The following ZDHHC11 variants were observed in gnomAD, a reference collection of about 807,000 sequenced individuals.
The protein encoded by ZDHHC11 is palmitoyltransferase ZDHHC11.
Under a neutral mutation model 51.3 loss-of-function variants are expected in ZDHHC11, and 44 were observed. The observed-to-expected ratio is 0.86, with a 90% confidence interval of 0.67 to 1.10. The LOEUF is 1.10. Ranked by LOEUF, ZDHHC11 falls within the 50% of genes least tolerant of loss-of-function variation. ZDHHC11 has a pLI of 0.00. For missense variants in ZDHHC11, 400 were observed against 537.7 expected (o/e 0.74, Z 2.53); for synonymous variants, 163 against 222.0 (o/e 0.73, Z 2.36).
rs371375868 is a variant in ZDHHC11 at position 808,944 on chromosome 5, G to A, written c.1181+5817C>T. ...TGATCTCCTGTCCTCTTTATCTGCT[G>A]TCTCGGCCTCCCCACATGCTCCATC... On this transcript the variant is annotated intron_variant, in intron 11 of 12. Transcript: ENST00000283441. Among the ~76,000 whole-genome samples the A allele has an allele frequency of 4.0e-5, 6 of 149,470 alleles. No individual in the cohort carries two copies. In the East Asian group the frequency reaches 9.8e-4, roughly 24 times the overall value.
chr5:815,045 T>C (rs1740596284), intron 10 of ZDHHC11, among the ~76,000 whole-genome samples: 2 of 151,428 alleles, frequency 1.3e-5, no homozygotes, highest in South Asian at 2.1e-4. Context: ...AGAATGTGAC[T>C]ATATGTGGAG....
chr5:821,559 C>T (rs1333948138), intron 9 of ZDHHC11, among the ~76,000 whole-genome samples: 1 of 151,282 alleles, frequency 6.6e-6, no homozygotes, highest in East Asian at 1.9e-4. Flanking sequence ...TGATGTGCAG[C>T]TCCCACCAGG....
intron 7 of ZDHHC11, among the ~76,000 whole-genome samples, chr5:833,261 C>T (rs1378697413): frequency 6.6e-6 from 1 of 152,212 alleles, no homozygotes; most frequent in African/African-American, 2.4e-5. Context: ...ACGAACCGCA[C>T]TGCACAGCAC....
upstream of ZDHHC11, among the ~76,000 whole-genome samples, chr5:855,090 G>A (rs1243452010): frequency 2.0e-5 from 3 of 149,946 alleles, no homozygotes; most frequent in South Asian, 4.2e-4. Context: ...GCGAGCCGCG[G>A]GGACAGACCC....
At chr5:860,133 G>A (rs74467616), upstream of ZDHHC11, among the ~76,000 whole-genome samples, 1,056 of 152,300 alleles carry the variant, frequency 6.9e-3, 17 homozygotes, top group African/African-American at 0.024. The surrounding 1 kb of genome is among the most constrained non-coding windows in gnomAD (Gnocchi z 4.2). Flanking sequence ...ACAAGTAAGA[G>A]GAACAGCTGG....
intron 7 of ZDHHC11, among the ~76,000 whole-genome samples, chr5:828,370 C>T (rs1742602336): frequency 6.7e-6 from 1 of 148,960 alleles, no homozygotes; most frequent in Admixed American, 6.7e-5. Flanking sequence ...GGAGGTGCCC[C>T]CCACCTCCCT....
In ZDHHC11 at chr5:795,976, C is replaced by CTG. The variant is rs1398189493; in HGVS notation, c.*610_*611dup. The CTG allele has an allele frequency of 6.5e-6, 1 of 154,106 alleles. No individual in the cohort carries two copies. The highest frequency in any genetic ancestry group is 1.5e-5 in the Non-Finnish European group (1 of 68,190). 9.5% of individuals were successfully genotyped at this position (154,106 alleles called of 1,614,324 possible). On this transcript the variant is annotated 3_prime_UTR_variant, in exon 13 of 13. Coordinates refer to ENST00000283441, the MANE Select transcript of ZDHHC11 (RefSeq NM_024786.3). ...AGTACTGTATGCCCATTTCCCAGTA[C>CTG]TGTGCTCCCATTTCTCAGTAGTGTA...
intron 11 of ZDHHC11, among the ~76,000 whole-genome samples, chr5:804,804 A>T (rs1489423514): frequency 6.6e-6 from 1 of 151,254 alleles, no homozygotes; most frequent in African/African-American, 2.4e-5. Context: ...TCTCACATAG[A>T]CAAAAATTGA....
intron 7 of ZDHHC11, among the ~76,000 whole-genome samples, chr5:829,758 G>A (rs1319365054): frequency 3.3e-5 from 5 of 151,380 alleles, no homozygotes; most frequent in African/African-American, 9.8e-5. Flanking sequence ...CTAGCGAACC[G>A]AATCAAACAG....
intron 12 of ZDHHC11, among the ~76,000 whole-genome samples, chr5:797,898 T>C (rs1202292560): frequency 9.3e-5 from 14 of 150,754 alleles, no homozygotes; most frequent in African/African-American, 3.2e-4. Context: ...GAAGGAATTA[T>C]GCTTGGCTCC....
rs183319281 is a variant in ZDHHC11 at position 802,936 on chromosome 5, G to T, written c.1182-1772C>A. On this transcript the variant is annotated intron_variant, in intron 11 of 12. Transcript: ENST00000283441. ...CTTGGGAGGCTGAGGCAGGAGAATGGTGTGAACCTGGGAGGTGGAGCTTGC... is the reference window on the plus strand; with the variant it reads ...CTTGGGAGGCTGAGGCAGGAGAATGTTGTGAACCTGGGAGGTGGAGCTTGC... 9.4e-3 allele frequency among the ~76,000 whole-genome samples: 1,340 copies of T among 142,998 alleles called. 48 individuals carry two copies. Among genetic ancestry groups the T allele is most frequent in the African/African-American group, 0.032 (1,247 of 39,398 alleles). The allele number at this position is 142,998 out of a possible 152,430, so 93.8% of individuals were successfully genotyped here.
Position 821,631 on chromosome 5 carries a change from G to A in ZDHHC11, c.1058+230C>T, listed in dbSNP as rs139875866. Reference sequence around the variant, plus strand: ...TTTGCTGCAGGAACCACCAAGGAGCGTACCAGGAAAAAAACAAATCACAGA... The same window carrying A: ...TTTGCTGCAGGAACCACCAAGGAGCATACCAGGAAAAAAACAAATCACAGA... On this transcript the variant is annotated intron_variant, in intron 9 of 12. Transcript: ENST00000283441. 1.1e-3 allele frequency among the ~76,000 whole-genome samples: 154 copies of A among 138,436 alleles called. 4 individuals are homozygous for A. Among genetic ancestry groups the A allele is most frequent in the Admixed American group, 9.7e-3 (136 of 13,974 alleles). 90.8% of individuals were successfully genotyped at this position (138,436 alleles called of 152,430 possible).
At chr5:840,787 T>C in intron 4 of ZDHHC11, 137 bp from the exon 5 acceptor site, 1 of 1,535,954 alleles carries the variant, frequency 6.5e-7, no homozygotes, top group Non-Finnish European at 8.8e-7. Flanking sequence ...CCTGCCCAGG[T>C]GGACGCCTCC....
intron 11 of ZDHHC11, among the ~76,000 whole-genome samples, chr5:808,182 G>A (rs1258909162): frequency 1.3e-5 from 2 of 150,472 alleles, no homozygotes; most frequent in African/African-American, 4.9e-5. Flanking sequence ...CAGCCCCATG[G>A]GGATGGGAGG....
At chr5:854,152 G>T (rs1294435639), upstream of ZDHHC11, among the ~76,000 whole-genome samples, 1 of 137,788 alleles carries the variant, frequency 7.3e-6, no homozygotes, top group South Asian at 2.5e-4. Flanking sequence ...ACAGCGAGCC[G>T]GGGGGCACAG....
intron 7 of ZDHHC11, among the ~76,000 whole-genome samples, chr5:828,413 C>T (rs1742616157): frequency 6.7e-6 from 1 of 149,834 alleles, no homozygotes; most frequent in African/African-American, 2.5e-5. Context: ...GTGGAGGTGC[C>T]CCCCACCTCC....
intron 3 of ZDHHC11, among the ~76,000 whole-genome samples, chr5:846,623 C>T (rs1746216015): frequency 6.8e-6 from 1 of 148,032 alleles, no homozygotes; most frequent in Non-Finnish European, 1.5e-5. Context: ...GGAAACACCT[C>T]TCATCCTTGC....
intron 4 of ZDHHC11, chr5:841,429 C>T (rs1421804590): frequency 1.0e-6 from 1 of 979,466 alleles, no homozygotes; most frequent in Non-Finnish European, 1.2e-6. Context: ...AGTGCCCACC[C>T]CTTCCTCACT....
In ZDHHC11 at chr5:850,744, C is replaced by T. The variant is rs776705708; in HGVS notation, c.-142G>A. 7 of 1,035,612 alleles carry T rather than the reference C, an allele frequency of 6.8e-6. No homozygotes were observed. The highest frequency in any genetic ancestry group is 9.7e-6 in the Non-Finnish European group (7 of 721,024). 64.2% of individuals were successfully genotyped at this position (1,035,612 alleles called of 1,614,324 possible). A position where few individuals can be genotyped will look rare whatever the true frequency, so the allele number is the denominator to read the frequency against. The stretch of plus-strand genomic sequence containing the variant: ...CCAATGGCCCAGCACTGCCTGGGGC[C>T]ACGTTCCCCGCAGAGGGAGCAGGGG... On this transcript the variant is annotated 5_prime_UTR_variant, in exon 1 of 13. It introduces an in-frame stop codon into an upstream open reading frame of the 5' UTR. Coordinates refer to ENST00000283441, the MANE Select transcript of ZDHHC11 (RefSeq NM_024786.3).
Sources: allele counts gnomAD v4.1 joint callset (sites outside exome capture counted in the v4.1 genomes callset), GRCh38; gene constraint gnomAD v4.1.1; non-coding constraint Gnocchi (gnomAD v3.1); transcripts MANE v1.5; gene names NCBI Gene and HGNC (gene_info 2026-07-23, HGNC 2026-07-21).